GFRA1: variants seen among roughly 807,000 people sequenced by gnomAD.
The protein encoded by GFRA1 is GDNF family receptor alpha 1, also known as GDNF family receptor alpha-1.
A neutral mutation model predicts 51.6 loss-of-function variants in GFRA1; 16 were observed. The observed-to-expected ratio is 0.31, with a 90% confidence interval of 0.21 to 0.47. GFRA1 has a LOEUF of 0.47. Ranked by LOEUF, GFRA1 falls within the 20% of genes least tolerant of loss-of-function variation. The pLI is 1.00. For synonymous variants in GFRA1, 270 were observed against 241.3 expected (o/e 1.12, Z -1.10); for missense variants, 530 against 594.3 (o/e 0.89, Z 1.13).
intron 5 of GFRA1, among the ~76,000 whole-genome samples, chr10:116,132,541 G>C (rs972027056): frequency 6.6e-6 from 1 of 151,988 alleles, no homozygotes; most frequent in African/African-American, 2.4e-5. Flanking sequence ...AATTGCGCAC[G>C]GCACATGGGA....
At chr10:116,150,520 T>C (rs1413425468) in intron 5 of GFRA1, among the ~76,000 whole-genome samples, 2 of 152,182 alleles carry the variant, frequency 1.3e-5, no homozygotes, top group Non-Finnish European at 1.5e-5. Flanking sequence ...CGGTTTCCCA[T>C]GTAACTGTTT....
At chr10:116,266,086 C>T (rs1463239019) in intron 4 of GFRA1, among the ~76,000 whole-genome samples, 1 of 152,138 alleles carries the variant, frequency 6.6e-6, no homozygotes, top group African/African-American at 2.4e-5. Context: ...CTGATAATAC[C>T]TCAGCAAGGC....
intron 8 of GFRA1, among the ~76,000 whole-genome samples, chr10:116,092,403 T>TGTGTGTGTGC (rs375893557): frequency 1.7e-4 from 26 of 151,932 alleles, no homozygotes; most frequent in African/African-American, 5.3e-4. Context: ...AAAGCTTTTG[T>TGTGTGTGTGC]GTGTGTGTGC....
At chr10:116,206,491 T>C (rs2134417177) in intron 5 of GFRA1, among the ~76,000 whole-genome samples, 1 of 152,312 alleles carries the variant, frequency 6.6e-6, no homozygotes, top group African/African-American at 2.4e-5. Flanking sequence ...AACCAAACTA[T>C]GATTTATTGT....
chr10:116,169,312 A>T (rs573804641), intron 5 of GFRA1, among the ~76,000 whole-genome samples: 1 of 152,368 alleles, frequency 6.6e-6, no homozygotes, highest in South Asian at 2.1e-4. Flanking sequence ...CCAAAAGCTG[A>T]TCCTAATCAT....
At chr10:116,217,042 T>G (rs530607323) in intron 4 of GFRA1, among the ~76,000 whole-genome samples, 15 of 152,322 alleles carry the variant, frequency 9.8e-5, no homozygotes, top group Admixed American at 7.2e-4. Flanking sequence ...TTTCTTTTTA[T>G]GTTGAAAAGT....
chr10:116,098,348 T>C (rs1956688290), intron 6 of GFRA1, among the ~76,000 whole-genome samples: 1 of 152,240 alleles, frequency 6.6e-6, no homozygotes, highest in Non-Finnish European at 1.5e-5. Context: ...CTGACTTTAA[T>C]TGAACACACT....
intron 4 of GFRA1, among the ~76,000 whole-genome samples, chr10:116,243,497 A>T (rs1297704413): frequency 7.0e-6 from 1 of 142,778 alleles, no homozygotes; most frequent in Non-Finnish European, 1.5e-5. Flanking sequence ...TGCCCCCCAA[A>T]AAAGAGAAAA....
intron 6 of GFRA1, among the ~76,000 whole-genome samples, chr10:116,101,357 A>T (rs1172489778): frequency 6.6e-6 from 1 of 152,322 alleles, no homozygotes; most frequent in East Asian, 1.9e-4. Flanking sequence ...TCTCCGAGAA[A>T]ATGAAAAGGA....
chr10:116,176,906 C>T lies in GFRA1; in HGVS notation c.433+34725G>A, dbSNP rs571023283. 5.3e-5 allele frequency among the ~76,000 whole-genome samples: 8 copies of T among 152,230 alleles called. No homozygotes were observed. The South Asian group carries it at 8.3e-4, about 16-fold the overall frequency. ...GGCAGTGGCAGACGCTGCAGTGGAG[C>T]GGTGGTCCAGGCACATGACTTTGCA... is the stretch of plus-strand genomic sequence containing the variant. On this transcript the variant is annotated intron_variant, in intron 5 of 10. Coordinates refer to ENST00000355422, the MANE Select transcript of GFRA1 (RefSeq NM_005264.8).
chr10:116,082,864 C>A (rs1327177563), intron 9 of GFRA1, among the ~76,000 whole-genome samples: 2 of 152,184 alleles, frequency 1.3e-5, no homozygotes, highest in Non-Finnish European at 2.9e-5. Context: ...CTCCTGAGAG[C>A]AGCTCTTCCT....
chr10:116,200,092 C>T (rs1246316070), intron 5 of GFRA1, among the ~76,000 whole-genome samples: 1 of 152,142 alleles, frequency 6.6e-6, no homozygotes, highest in Non-Finnish European at 1.5e-5. Context: ...TGATGAGTAT[C>T]ACAGTTTGTC....
rs8192661 is a variant in GFRA1 at position 116,272,135 on chromosome 10, C to T, written c.-106G>A. 121,081 of 988,188 alleles carry T rather than the reference C, an allele frequency of 0.12. 11,528 individuals carry two copies. Among genetic ancestry groups the T allele is most frequent in the African/African-American group, 0.38 (23,944 of 62,716 alleles). 61.2% of individuals were successfully genotyped at this position (988,188 alleles called of 1,614,324 possible). A position where few individuals can be genotyped will look rare whatever the true frequency, so the allele number is the denominator to read the frequency against. On this transcript the variant is annotated 5_prime_UTR_variant, in exon 2 of 11. Coordinates refer to ENST00000355422, the MANE Select transcript of GFRA1 (RefSeq NM_005264.8). The surrounding 1 kb of genome is among the most constrained non-coding windows in gnomAD (Gnocchi z 4.4). The stretch of plus-strand genomic sequence containing the variant: ...CAGCGATCCCCGGACAGCTGTGCTG[C>T]TCTGGCCGCCCAAAGTTCAGCTCCA...
intron 10 of GFRA1, 77 bp downstream of exon 10, chr10:116,065,496 A>G: frequency 8.6e-7 from 1 of 1,166,722 alleles, no homozygotes; most frequent in South Asian, 1.3e-5. Context: ...TGAATGCTTT[A>G]TATGATACCC....
At chr10:116,091,801 T>C (rs541279258) in intron 8 of GFRA1, among the ~76,000 whole-genome samples, 1 of 152,286 alleles carries the variant, frequency 6.6e-6, no homozygotes, top group East Asian at 1.9e-4. Flanking sequence ...CCCCATCTAG[T>C]CATAGTGGAA....
intron 4 of GFRA1, among the ~76,000 whole-genome samples, chr10:116,233,673 A>G (rs1966820579): frequency 1.3e-5 from 2 of 152,082 alleles, no homozygotes; most frequent in African/African-American, 4.8e-5. Flanking sequence ...CAGTGCTGTG[A>G]CTCATCAGGT....
intron 5 of GFRA1, among the ~76,000 whole-genome samples, chr10:116,148,569 A>G (rs1344577684): frequency 6.6e-6 from 1 of 152,186 alleles, no homozygotes; most frequent in Non-Finnish European, 1.5e-5. Flanking sequence ...GCAGACGCCA[A>G]TAGTCTTGGC....
At chr10:116,116,765 T>A (rs1589801391) in intron 6 of GFRA1, among the ~76,000 whole-genome samples, 1 of 152,370 alleles carries the variant, frequency 6.6e-6, no homozygotes, top group Non-Finnish European at 1.5e-5. Flanking sequence ...AAAGGAAATT[T>A]GATAAAGAAC....
intron 5 of GFRA1, among the ~76,000 whole-genome samples, chr10:116,147,882 G>A (rs1284784880): frequency 6.6e-6 from 1 of 151,514 alleles, no homozygotes; most frequent in African/African-American, 2.4e-5. Flanking sequence ...CCCAGTGGAG[G>A]TGTCAGAAAG....
Sources: gnomAD v4.1 joint callset for allele counts (sites outside exome capture counted in the v4.1 genomes callset) on GRCh38, gnomAD v4.1.1 for gene constraint, Gnocchi (gnomAD v3.1) non-coding constraint, MANE v1.5 for transcripts, NCBI Gene and HGNC (gene_info 2026-07-23, HGNC 2026-07-21) for gene names.